The following NOL9 variants were observed in gnomAD, a reference collection of about 807,000 sequenced individuals.
NOL9 encodes nucleolar protein 9, also known as polynucleotide 5'-hydroxyl-kinase NOL9.
NOL9 carries 28 observed loss-of-function variants against 67.9 expected under a neutral mutation model. That is an observed-to-expected ratio of 0.41 (90% CI 0.31 to 0.57). NOL9 has a LOEUF of 0.57. Ranked by LOEUF, NOL9 falls within the 20% of genes least tolerant of loss-of-function variation. NOL9 has a pLI of 0.25. For missense variants in NOL9, 777 were observed against 897.0 expected (o/e 0.87, Z 1.71); for synonymous variants, 356 against 352.2 (o/e 1.01, Z -0.12).
intron 1 of NOL9, among the ~76,000 whole-genome samples, chr1:6,553,524 C>CTTT (rs35449661): frequency 1.4e-5 from 2 of 147,710 alleles, no homozygotes; most frequent in African/African-American, 5.0e-5. Context: ...TAATTGCAAC[C>CTTT]TTTTTTTTTT....
chr1:6,547,966 A>C (rs976685779), intron 3 of NOL9: 6 of 267,126 alleles, frequency 2.2e-5, no homozygotes, highest in Non-Finnish European at 4.6e-5. Context: ...GGCTTCCTAC[A>C]ATACACCGTC....
intron 11 of NOL9, 27 bp from the exon 12 acceptor site, chr1:6,526,030 G>A: frequency 6.2e-7 from 1 of 1,608,572 alleles, no homozygotes; most frequent in Non-Finnish European, 8.5e-7. Flanking sequence ...GAGAATGCAT[G>A]GAAACACTCC....
chr1:6,544,498 A>C (rs988734346), intron 5 of NOL9, among the ~76,000 whole-genome samples: 9 of 151,458 alleles, frequency 5.9e-5, no homozygotes, highest in Non-Finnish European at 1.3e-4. Flanking sequence ...AGCCTGAGGG[A>C]AACCCTGTCT....
chr1:6,542,589 C>T (rs1305089642), intron 5 of NOL9, among the ~76,000 whole-genome samples: 1 of 151,914 alleles, frequency 6.6e-6, no homozygotes, highest in African/African-American at 2.4e-5. Flanking sequence ...TCCCAAGTAG[C>T]TGGGATTACA....
At position 6,524,268 on chromosome 1, in the gene NOL9, T is replaced by C. The variant is rs1480002170; in HGVS notation, c.*1586A>G. 6.6e-6 allele frequency: 1 copy of C among 151,556 alleles called. No homozygotes were observed. Among genetic ancestry groups the C allele is most frequent in the Non-Finnish European group, 1.5e-5 (1 of 68,022 alleles). 9.4% of individuals were successfully genotyped at this position (151,556 alleles called of 1,614,324 possible). On this transcript the variant is annotated 3_prime_UTR_variant, in exon 12 of 12. Transcript: ENST00000377705. ...CAACAGTTGTATAAGTGTATATAAG[T>C]GTTAAAACCCACACATCCTAATAGT...
intron 6 of NOL9, among the ~76,000 whole-genome samples, chr1:6,537,574 C>T (rs1300145356): frequency 2.0e-5 from 3 of 152,120 alleles, no homozygotes. Context: ...CTTGTACTGA[C>T]TTCAAAACTT....
chr1:6,550,123 C>G (rs954535253), intron 2 of NOL9, among the ~76,000 whole-genome samples: 1 of 152,168 alleles, frequency 6.6e-6, no homozygotes, highest in African/African-American at 2.4e-5. Context: ...GCTCCGCCTC[C>G]CGGGTTCAAG....
At chr1:6,528,404 GC>G (rs1638938884) in intron 10 of NOL9, among the ~76,000 whole-genome samples, 1 of 152,198 alleles carries the variant, frequency 6.6e-6, no homozygotes, top group Non-Finnish European at 1.5e-5. Flanking sequence ...GGTGGAAGAA[GC>G]TGACATATTT....
At chr1:6,527,147 C>T (rs1350585708) in intron 10 of NOL9, among the ~76,000 whole-genome samples, 2 of 148,958 alleles carry the variant, frequency 1.3e-5, no homozygotes, top group Non-Finnish European at 1.5e-5. Context: ...CTCGGGAGGC[C>T]GAGACAGGAG....
At position 6,521,352 on chromosome 1, in the gene NOL9, G is replaced by A. The variant is rs1237910911; in HGVS notation, c.*4502C>T. 1 of 152,016 alleles carries A rather than the reference G, an allele frequency of 6.6e-6. No homozygotes were observed. Among genetic ancestry groups the A allele is most frequent in the Non-Finnish European group, 1.5e-5 (1 of 68,002 alleles). The allele number at this position is 152,016 out of a possible 1,614,324, so 9.4% of individuals were successfully genotyped here. A position where few individuals can be genotyped will look rare whatever the true frequency, so the allele number is the denominator to read the frequency against. On this transcript the variant is annotated 3_prime_UTR_variant, in exon 12 of 12. Coordinates refer to ENST00000377705, the MANE Select transcript of NOL9 (RefSeq NM_024654.5). The stretch of plus-strand genomic sequence containing the variant: ...CATAAAATTACACAACTAAATTCAT[G>A]TTTTCAAAAATATTTAATGATACAA...
At chr1:6,535,492 C>A (rs1010703067) in intron 6 of NOL9, among the ~76,000 whole-genome samples, 1 of 152,154 alleles carries the variant, frequency 6.6e-6, no homozygotes, top group African/African-American at 2.4e-5. Context: ...GGACCTAGGA[C>A]GTAAGAGGAG....
At chr1:6,533,223 A>G in intron 7 of NOL9, 57 bp downstream of exon 7, 6 of 1,487,026 alleles carry the variant, frequency 4.0e-6, no homozygotes, top group Non-Finnish European at 5.4e-6. Context: ...AATGTCTGAA[A>G]CCAACAGTAC....
Position 6,523,130 on chromosome 1 carries a change from CCAGCCTGGGTGA to C in NOL9, c.*2712_*2723del, listed in dbSNP as rs1638807444. 1.3e-5 allele frequency: 2 copies of C among 150,930 alleles called. No individual in the cohort carries two copies. The highest frequency in any genetic ancestry group is 4.9e-5 in the African/African-American group (2 of 40,968). 9.3% of individuals were successfully genotyped at this position (150,930 alleles called of 1,614,324 possible). On this transcript the variant is annotated 3_prime_UTR_variant, in exon 12 of 12. Coordinates refer to ENST00000377705, the MANE Select transcript of NOL9 (RefSeq NM_024654.5). ...TGAGCCAAGGTCGTGCCACTGCACC[CCAGCCTGGGTGA>C]CAGAGCGAGACTCTGTCTCAAAAAA...
intron 1 of NOL9, among the ~76,000 whole-genome samples, chr1:6,553,079 C>T (rs992207755): frequency 4.6e-5 from 7 of 152,050 alleles, no homozygotes; most frequent in South Asian, 4.1e-4. Context: ...CCCAAAGTGC[C>T]GGGACTACAG....
In NOL9 at chr1:6,523,977, G is replaced by C. The variant is rs188210893; in HGVS notation, c.*1877C>G. 2 of 152,336 alleles carry C rather than the reference G, an allele frequency of 1.3e-5. No individual in the cohort carries two copies. Among genetic ancestry groups the C allele is most frequent in the Admixed American group, 6.5e-5 (1 of 15,300 alleles). 9.4% of individuals were successfully genotyped at this position (152,336 alleles called of 1,614,324 possible). On this transcript the variant is annotated 3_prime_UTR_variant, in exon 12 of 12. Coordinates refer to ENST00000377705, the MANE Select transcript of NOL9 (RefSeq NM_024654.5). ...CAAATGACCTCCAGTGAGTATAACTGTAAGATACACGAAAGTGGAGAAAGG... is the reference window on the plus strand; with the variant it reads ...CAAATGACCTCCAGTGAGTATAACTCTAAGATACACGAAAGTGGAGAAAGG...
chr1:6,535,236 AAAC>A (rs1188320756), intron 6 of NOL9, among the ~76,000 whole-genome samples: 1 of 152,214 alleles, frequency 6.6e-6, no homozygotes, highest in African/African-American at 2.4e-5. Flanking sequence ...GGGGATCTAG[AAAC>A]AATAACACAC....
At chr1:6,549,281 C>T in intron 3 of NOL9, 2 of 248,172 alleles carry the variant, frequency 8.1e-6, no homozygotes, top group South Asian at 1.2e-4. Flanking sequence ...ACCAACCAAC[C>T]AACCAACCAA....
intron 4 of NOL9, 46 bp downstream of exon 4, chr1:6,544,999 G>A (rs893215947): frequency 2.5e-6 from 4 of 1,613,820 alleles, no homozygotes; most frequent in African/African-American, 1.3e-5. Context: ...CTTCCTCTGG[G>A]GGTCTGGTGG....
chr1:6,545,253 TCA>T (rs1639394509), intron 3 of NOL9, 73 bp from the exon 4 acceptor site: 1 of 1,432,308 alleles, frequency 7.0e-7, no homozygotes, highest in African/African-American at 1.4e-5. Flanking sequence ...TAATCAAGCC[TCA>T]CACAGTTGTG....
Sources: gnomAD v4.1 joint callset for allele counts (sites outside exome capture counted in the v4.1 genomes callset) on GRCh38, gnomAD v4.1.1 for gene constraint, MANE v1.5 for transcripts, NCBI Gene and HGNC (gene_info 2026-07-23, HGNC 2026-07-21) for gene names.